The following SGK1 variants were observed in gnomAD, a reference collection of about 807,000 sequenced individuals.
SGK1 encodes serine/threonine-protein kinase Sgk1.
A neutral mutation model predicts 64.2 loss-of-function variants in SGK1; 26 were observed. The observed-to-expected ratio is 0.40, with a 90% CI of 0.30 to 0.56. The LOEUF (loss-of-function observed/expected upper bound fraction) is 0.56, where lower values mean the gene tolerates loss of function less well. Ranked by LOEUF, SGK1 falls within the 20% of genes least tolerant of loss-of-function variation. SGK1 has a pLI of 0.38. For missense variants in SGK1, 519 were observed against 645.6 expected, an observed-to-expected ratio of 0.80 and a Z score of 2.12; for synonymous variants, 265 against 239.7, an observed-to-expected ratio of 1.11 and a Z score of -0.98.
chr6:134,228,920 T>G (rs1423963162), intron 2 of SGK1, among the ~76,000 whole-genome samples: 1 of 149,356 alleles, frequency 6.7e-6, no homozygotes. Context: ...CTCCGTTCAC[T>G]GCAAGCTCCG....
chr6:134,196,945 G>A (rs1775602711), intron 3 of SGK1, among the ~76,000 whole-genome samples: 1 of 152,128 alleles, frequency 6.6e-6, no homozygotes, highest in Admixed American at 6.6e-5. Flanking sequence ...AAAACTGAAT[G>A]TATAAGGCTG....
rs1026297182 is a variant in SGK1, at chr6:134,174,909, G to A, written c.362-323C>T. ...GCCTTATAAAAAAGGCACCGCCGCG[G>A]GGGCGGGGCCTGCGCGACAGTGAGA... On this transcript the variant is annotated intron_variant, in intron 3 of 13. Coordinates refer to ENST00000367858, the MANE Select transcript of SGK1 (RefSeq NM_001143676.3). The A allele has an allele frequency of 3.2e-6, 5 of 1,569,342 alleles. No individual in the cohort carries two copies. The African/African-American group carries it at 5.5e-5, about 17-fold the overall frequency.
rs1777390879 is a variant in SGK1 at position 134,298,122 on chromosome 6, C to T, written c.69+19270G>A. On this transcript the variant is annotated intron_variant, in intron 1 of 13. Coordinates refer to ENST00000367858, the MANE Select transcript of SGK1 (RefSeq NM_001143676.3). ...ACCTTGTTCATGTAAGCTTCATCCA[C>T]ATCCTTCTTGATGAGGACAGATTCA... 2.9e-6 allele frequency: 4 copies of T among 1,356,468 alleles called. No individual in the cohort carries two copies. In the South Asian group the frequency reaches 3.5e-5, roughly 12 times the overall value. The allele number at this position is 1,356,468 out of a possible 1,614,324, so 84.0% of individuals were successfully genotyped here.
At chr6:134,265,569 ATATT>A (rs1446153326) in intron 1 of SGK1, among the ~76,000 whole-genome samples, 1 of 146,882 alleles carries the variant, frequency 6.8e-6, no homozygotes, top group Admixed American at 6.9e-5. Context: ...ATATACATAT[ATATT>A]TATACATATA....
chr6:134,180,836 C>T lies in SGK1; in HGVS notation c.362-6250G>A, dbSNP rs151159482. Among the ~76,000 whole-genome samples, 88 of 149,504 alleles carry T rather than the reference C, an allele frequency of 5.9e-4. 1 individual carries two copies. The highest frequency in any genetic ancestry group is 2.0e-3 in the African/African-American group (80 of 40,386). ...TCAGTGAGCCAAGATCTTGCCACTG[C>T]ACTCTCGCCGGGGCAACAAAGTGAG... On this transcript the variant is annotated intron_variant, in intron 3 of 13. Coordinates refer to ENST00000367858, the MANE Select transcript of SGK1 (RefSeq NM_001143676.3).
intron 2 of SGK1, among the ~76,000 whole-genome samples, chr6:134,209,821 C>T (rs972845895): frequency 4.6e-5 from 7 of 152,276 alleles, no homozygotes; most frequent in South Asian, 2.1e-4. Context: ...GGATTACAGA[C>T]GTGCTCCACC....
At chr6:134,229,591 GA>G (rs1315596625) in intron 2 of SGK1, among the ~76,000 whole-genome samples, 1 of 152,174 alleles carries the variant, frequency 6.6e-6, no homozygotes, top group African/African-American at 2.4e-5. Context: ...ATCAATTTTT[GA>G]GGGGAAAGGT....
chr6:134,179,269 G>T (rs1479259673), intron 3 of SGK1, among the ~76,000 whole-genome samples: 1 of 151,928 alleles, frequency 6.6e-6, no homozygotes, highest in African/African-American at 2.4e-5. Flanking sequence ...GTTTCATATT[G>T]TTCAAAGTAC....
intron 3 of SGK1, among the ~76,000 whole-genome samples, chr6:134,179,643 A>G (rs1387899423): frequency 5.3e-5 from 8 of 152,162 alleles, no homozygotes; most frequent in Non-Finnish European, 8.8e-5. Flanking sequence ...CCATATTCAT[A>G]ATTGTCAAAT....
chr6:134,174,711 C>T (rs1166797331), intron 3 of SGK1, 125 bp from the exon 4 acceptor site: 1 of 1,613,962 alleles, frequency 6.2e-7, no homozygotes, highest in Non-Finnish European at 8.5e-7. Context: ...AGCAGAAGTC[C>T]CGCAAGATTC....
At chr6:134,315,019 G>A (rs1777657935) in intron 1 of SGK1, among the ~76,000 whole-genome samples, 1 of 152,076 alleles carries the variant, frequency 6.6e-6, no homozygotes, top group Admixed American at 6.6e-5. Context: ...ACATCAGTAT[G>A]GTAACAGTTA....
intron 3 of SGK1, among the ~76,000 whole-genome samples, chr6:134,176,907 C>G (rs1008901748): frequency 6.6e-6 from 1 of 152,150 alleles, no homozygotes; most frequent in African/African-American, 2.4e-5. Context: ...TTGCTCAGTG[C>G]CCACACTTAT....
intron 3 of SGK1, among the ~76,000 whole-genome samples, chr6:134,178,439 CTG>C (rs1364065573): frequency 6.6e-6 from 1 of 152,146 alleles, no homozygotes; most frequent in African/African-American, 2.4e-5. Flanking sequence ...GACGGGGGAG[CTG>C]TGTGTGACGC....
At chr6:134,225,904 C>T (rs111813075) in intron 2 of SGK1, among the ~76,000 whole-genome samples, 11,818 of 151,326 alleles carry the variant, frequency 0.078, 526 homozygotes, top group African/African-American at 0.087. Context: ...AAAACTCCAT[C>T]TCTACCAAAA....
intron 1 of SGK1, among the ~76,000 whole-genome samples, chr6:134,288,959 A>G (rs1315373977): frequency 6.6e-6 from 1 of 152,220 alleles, no homozygotes; most frequent in East Asian, 1.9e-4. Flanking sequence ...GAGCCTACAA[A>G]GGCTCTTTTA....
chr6:134,248,795 A>G (rs766161669), intron 2 of SGK1, among the ~76,000 whole-genome samples: 2 of 152,172 alleles, frequency 1.3e-5, no homozygotes, highest in African/African-American at 2.4e-5. Flanking sequence ...AGAGTTCTGA[A>G]GTTAAATGAA....
Position 134,170,811 on chromosome 6 carries a change from G to C in SGK1, c.1413+15C>G. 1 of 1,517,998 alleles carries C rather than the reference G, an allele frequency of 6.6e-7. No individual in the cohort carries two copies. The highest frequency in any genetic ancestry group is 9.1e-7 in the Non-Finnish European group (1 of 1,094,450). 94.0% of individuals were successfully genotyped at this position (1,517,998 alleles called of 1,614,324 possible). On this transcript the variant is annotated intron_variant, in intron 13 of 13. Coordinates refer to ENST00000367858, the MANE Select transcript of SGK1 (RefSeq NM_001143676.3). ...TTTGGGCTTCTCTATACTTAGAAGAGAGACAGATACTCACCACATTTGGGT... is the reference window on the plus strand; with the variant it reads ...TTTGGGCTTCTCTATACTTAGAAGACAGACAGATACTCACCACATTTGGGT...
intron 2 of SGK1, among the ~76,000 whole-genome samples, chr6:134,238,292 A>G (rs1255139281): frequency 2.0e-5 from 3 of 152,232 alleles, no homozygotes; most frequent in Non-Finnish European, 4.4e-5. Context: ...AGATGTAGGA[A>G]GGATCTTGGA....
intron 2 of SGK1, among the ~76,000 whole-genome samples, chr6:134,233,178 A>AG (rs1776316148): frequency 6.6e-6 from 1 of 152,200 alleles, no homozygotes; most frequent in African/African-American, 2.4e-5. Flanking sequence ...TTATTAAAAA[A>AG]GAAAGATGTG....
Sources: gnomAD v4.1 joint callset for allele counts (sites outside exome capture counted in the v4.1 genomes callset) on GRCh38, gnomAD v4.1.1 for gene constraint, MANE v1.5 for transcripts, NCBI Gene and HGNC (gene_info 2026-07-23, HGNC 2026-07-21) for gene names.